The following XPNPEP3 variants were observed in gnomAD, a reference collection of about 807,000 sequenced individuals.
XPNPEP3 encodes the protein xaa-Pro aminopeptidase 3.
Under a neutral mutation model 60.0 loss-of-function variants are expected in XPNPEP3, and 41 were observed. The observed-to-expected ratio is 0.68, with a 90% confidence interval of 0.53 to 0.89. The LOEUF is 0.89. XPNPEP3 is among the 40% of genes least tolerant of loss of function. The pLI is 0.00. For synonymous variants in XPNPEP3, 212 were observed against 223.2 expected (o/e 0.95, Z 0.45); for missense variants, 598 against 638.9 (o/e 0.94, Z 0.69).
rs2058234951 is a variant in XPNPEP3 at position 40,926,411 on chromosome 22, A to C, written c.1500A>C (p.Glu500Asp). Residue 500 changes from glutamate to aspartate, a missense_variant, in exon 10 of 10, where the codon GAA (glutamate) becomes GAC (aspartate). By Grantham distance (45) the Glu-to-Asp change is conservative. Transcript: ENST00000357137. ...ADCPKEMNDI[E>D]QICSQAS ...GTCCCAAAGAGATGAATGACATTGA[A>C]CAGATATGCAGCCAGGCTTCTTGAC... 6.2e-7 allele frequency: 1 copy of C among 1,614,006 alleles called. No individual in the cohort carries two copies. The highest frequency in any genetic ancestry group is 1.1e-5 in the South Asian group (1 of 91,088).
chr22:40,882,634 TA>T (rs11394420), intron 3 of XPNPEP3, among the ~76,000 whole-genome samples: 313 of 140,386 alleles, frequency 2.2e-3, no homozygotes, highest in African/African-American at 2.6e-3. Context: ...AAGACTGTCT[TA>T]AAAAAAAAAA....
chr22:40,908,615 C>T (rs1369222813), intron 5 of XPNPEP3, among the ~76,000 whole-genome samples: 1 of 152,202 alleles, frequency 6.6e-6, no homozygotes, highest in Non-Finnish European at 1.5e-5. Flanking sequence ...AGTAGGACTG[C>T]AATTTTCCTA....
intron 2 of XPNPEP3, 93 bp downstream of exon 2, chr22:40,869,208 G>T (rs2057993675): frequency 2.4e-5 from 28 of 1,148,336 alleles, no homozygotes; most frequent in Non-Finnish European, 2.6e-6. Context: ...CTGGATCTGT[G>T]CTGTTCCATA....
intron 7 of XPNPEP3, among the ~76,000 whole-genome samples, chr22:40,916,300 GA>G (rs980489442): frequency 2.5e-4 from 34 of 137,358 alleles, no homozygotes; most frequent in Admixed American, 3.7e-4. Flanking sequence ...TCAAACAAAG[GA>G]AAAAAAAAAA....
At chr22:40,861,257 GT>G in intron 1 of XPNPEP3, 1 of 1,614,128 alleles carries the variant, frequency 6.2e-7, no homozygotes, top group Non-Finnish European at 8.5e-7. Flanking sequence ...TTGGTGAATA[GT>G]TGTTGAATGA....
At chr22:40,885,370 G>A (rs958953910) in intron 3 of XPNPEP3, among the ~76,000 whole-genome samples, 3 of 152,248 alleles carry the variant, frequency 2.0e-5, no homozygotes, top group East Asian at 1.9e-4. Context: ...CCTTTATATC[G>A]TATATCTTAG....
At chr22:40,898,075 TTTAA>T (rs2058116064) in intron 4 of XPNPEP3, among the ~76,000 whole-genome samples, 1 of 151,530 alleles carries the variant, frequency 6.6e-6, no homozygotes, top group African/African-American at 2.4e-5. Flanking sequence ...CTCAAAATGT[TTTAA>T]TTTTTATAAA....
At position 40,869,054 on chromosome 22, in the gene XPNPEP3, G is replaced by T. The variant is rs765234342; in HGVS notation, c.120G>T (p.Arg40Ser). The T allele has an allele frequency of 3.7e-6, 6 of 1,613,960 alleles. No homozygotes were observed. The highest frequency in any genetic ancestry group is 1.7e-6 in the Non-Finnish European group (2 of 1,179,990). Residue 40 changes from arginine to serine, a missense_variant, in exon 2 of 10, where the codon AGG becomes AGT. Physicochemically the swap from Arg to Ser is moderately radical, Grantham distance 110. Coordinates refer to ENST00000357137, the MANE Select transcript of XPNPEP3 (RefSeq NM_022098.4). ...RYSLQPVPERRIPNRYLGQPS... is the reference protein window; with the variant it reads ...RYSLQPVPERSIPNRYLGQPS... ...CCCTTCAGCCTGTCCCAGAAAGGAG[G>T]ATTCCAAACCGATACTTAGGCCAGC...
Position 40,909,180 on chromosome 22 carries a change from C to T in XPNPEP3, c.914C>T (p.Ala305Val). The change falls in exon 6 of 10, where the codon GCT (alanine) becomes GTT (valine). Residue 305 changes from alanine (A) to valine (V), a missense_variant. Physicochemically the swap from Ala to Val is moderately conservative, Grantham distance 64. Transcript: ENST00000357137. ...ATTTTAGCCTATCCACCTGTGGTGG[C>T]TGGTGGTAATCGGTCAAACACTTTG... Reference protein sequence around the residue: ...ADILAYPPVVAGGNRSNTLHY... With the variant: ...ADILAYPPVVVGGNRSNTLHY... 6.2e-7 allele frequency: 1 copy of T among 1,614,166 alleles called. No individual in the cohort carries two copies.
intron 4 of XPNPEP3, among the ~76,000 whole-genome samples, chr22:40,891,025 A>G (rs2058086223): frequency 6.6e-6 from 1 of 151,932 alleles, no homozygotes; most frequent in South Asian, 2.1e-4. Flanking sequence ...CATCTTGAAA[A>G]CAGCCAGATT....
At chr22:40,872,356 T>C (rs925270930) in intron 2 of XPNPEP3, among the ~76,000 whole-genome samples, 7 of 152,202 alleles carry the variant, frequency 4.6e-5, no homozygotes, top group African/African-American at 1.7e-4. Context: ...AAAATGTTGG[T>C]CAGTCTCTTT....
intron 7 of XPNPEP3, among the ~76,000 whole-genome samples, chr22:40,915,322 C>T (rs1197103841): frequency 6.6e-6 from 1 of 152,042 alleles, no homozygotes; most frequent in Non-Finnish European, 1.5e-5. Flanking sequence ...TACCTGTAAT[C>T]CCAGGACTTT....
chr22:40,891,932 A>T (rs1044502804), intron 4 of XPNPEP3, among the ~76,000 whole-genome samples: 1 of 152,196 alleles, frequency 6.6e-6, no homozygotes, highest in African/African-American at 2.4e-5. Context: ...CTGCTGTGGG[A>T]ATCACTGGCA....
At chr22:40,881,444 G>A (rs1029722581) in intron 2 of XPNPEP3, among the ~76,000 whole-genome samples, 4 of 142,022 alleles carry the variant, frequency 2.8e-5, no homozygotes, top group Non-Finnish European at 6.1e-5. Context: ...CAACAAGAGC[G>A]AAACTCTGTC....
At chr22:40,877,746 A>G (rs2145781679) in intron 2 of XPNPEP3, among the ~76,000 whole-genome samples, 1 of 152,242 alleles carries the variant, frequency 6.6e-6, no homozygotes, top group African/African-American at 2.4e-5. Context: ...CTGAGGATCT[A>G]TTGAGATATA....
intron 4 of XPNPEP3, among the ~76,000 whole-genome samples, chr22:40,897,657 C>T (rs1322894979): frequency 6.6e-6 from 1 of 152,052 alleles, no homozygotes; most frequent in African/African-American, 2.4e-5. Context: ...GAGAAACCAC[C>T]ATATAGTTTT....
chr22:40,868,740 G>A (rs1347841569), intron 1 of XPNPEP3, among the ~76,000 whole-genome samples: 1 of 152,014 alleles, frequency 6.6e-6, no homozygotes, highest in Non-Finnish European at 1.5e-5. Context: ...CAGCTATGTA[G>A]GAGGCTTGAG....
chr22:40,881,876 A>G lies in XPNPEP3; in HGVS notation c.288A>G (p.Thr96=). 6 of 1,614,208 alleles carry G rather than the reference A, an allele frequency of 3.7e-6. No individual in the cohort carries two copies. Among genetic ancestry groups the G allele is most frequent in the South Asian group, 1.1e-5 (1 of 91,086 alleles). Reference sequence around the variant, plus strand: ...AAGGGCAGAGTGGGACAGACCAGACAGTGGTTGTGCTCTCCAACCCTACAT... The same window carrying G: ...AAGGGCAGAGTGGGACAGACCAGACGGTGGTTGTGCTCTCCAACCCTACAT... ...EAQGQSGTDQ[T]VVVLSNPTYY... The change falls in exon 3 of 10, where the codon ACA becomes ACG. Residue 96 remains threonine, a synonymous_variant. Coordinates refer to ENST00000357137, the MANE Select transcript of XPNPEP3 (RefSeq NM_022098.4).
At chr22:40,877,001 T>C (rs1160775689) in intron 2 of XPNPEP3, among the ~76,000 whole-genome samples, 2 of 152,174 alleles carry the variant, frequency 1.3e-5, no homozygotes, top group African/African-American at 4.8e-5. Context: ...TCCTGGAAAG[T>C]TCCCTCATGC....
Sources: allele counts gnomAD v4.1 joint callset (sites outside exome capture counted in the v4.1 genomes callset), GRCh38; gene constraint gnomAD v4.1.1; transcripts MANE v1.5; gene names NCBI Gene and HGNC (gene_info 2026-07-23, HGNC 2026-07-21).